XKR7: variants seen among roughly 807,000 people sequenced by gnomAD.
XKR7 encodes the protein XK-related protein 7.
Under a neutral mutation model 42.2 loss-of-function variants are expected in XKR7, and 11 were observed. That is an observed-to-expected ratio of 0.26 (90% CI 0.16 to 0.43). The LOEUF (loss-of-function observed/expected upper bound fraction) is 0.43. Among genes scored for constraint, XKR7 ranks in the 20% least tolerant of loss-of-function variants. The pLI, the probability that XKR7 is intolerant of heterozygous loss-of-function variation, is 1.00. For synonymous variants in XKR7, 346 were observed against 366.4 expected, an observed-to-expected ratio of 0.94 and a Z score of 0.64; for missense variants, 710 against 802.2, an observed-to-expected ratio of 0.89 and a Z score of 1.39.
intron 1 of XKR7, among the ~76,000 whole-genome samples, chr20:31,976,869 G>A (rs1338734257): frequency 2.0e-5 from 3 of 152,116 alleles, no homozygotes; most frequent in Admixed American, 6.5e-5. Flanking sequence ...AAACCCCTGG[G>A]GAGTTGAGGC....
At chr20:31,969,683 G>A (rs1478872327) in intron 1 of XKR7, among the ~76,000 whole-genome samples, 1 of 152,168 alleles carries the variant, frequency 6.6e-6, no homozygotes. Flanking sequence ...CCAAGCCTCA[G>A]TTTCCTCTTC....
In XKR7 at chr20:31,996,714, G is replaced by A. The variant is rs546872871; in HGVS notation, c.997G>A (p.Val333Met). 4.3e-6 allele frequency: 7 copies of A among 1,612,562 alleles called. No homozygotes were observed. In the South Asian group the frequency reaches 4.4e-5, roughly 10 times the overall value. Reference sequence around the variant, plus strand: ...CAAGCTCTATTTTGGCATCTTCATCGTGGCCCACTGGTGCGTCATGACCTT... The same window carrying A: ...CAAGCTCTATTTTGGCATCTTCATCATGGCCCACTGGTGCGTCATGACCTT... ...VYKLYFGIFI[V>M]AHWCVMTFWV... is the part of the protein sequence containing the mutation. Residue 333 changes from valine (V) to methionine (M), a missense_variant, in exon 3 of 3, where the codon GTG becomes ATG. Around this residue, in one of 2 missense-constraint regions of XKR7, gnomAD observed 708 missense variants for 786.2 expected, o/e 0.90. Coordinates refer to ENST00000562532, the MANE Select transcript of XKR7 (RefSeq NM_001011718.2).
chr20:31,988,941 G>C (rs1315490773), intron 1 of XKR7, among the ~76,000 whole-genome samples: 1 of 152,156 alleles, frequency 6.6e-6, no homozygotes, highest in Non-Finnish European at 1.5e-5. Flanking sequence ...AATAGTCAGT[G>C]CCTACTCAAT....
At chr20:31,975,721 G>A (rs2064481876) in intron 1 of XKR7, among the ~76,000 whole-genome samples, 2 of 151,934 alleles carry the variant, frequency 1.3e-5, no homozygotes, top group South Asian at 4.1e-4. Flanking sequence ...GGGCGGGAGG[G>A]GTGGGGTCAG....
intron 1 of XKR7, among the ~76,000 whole-genome samples, chr20:31,979,581 C>A (rs1051251289): frequency 6.6e-6 from 1 of 152,168 alleles, no homozygotes; most frequent in East Asian, 1.9e-4. Context: ...TGTAGACAGG[C>A]CACATAGTTC....
At chr20:31,990,176 T>TTGTG (rs2064563550) in intron 1 of XKR7, among the ~76,000 whole-genome samples, 1 of 131,790 alleles carries the variant, frequency 7.6e-6, no homozygotes, top group South Asian at 2.4e-4. Flanking sequence ...TTTAAATTCA[T>TTGTG]TGCGTGTGTG....
At chr20:31,972,906 A>C (rs1347850708) in intron 1 of XKR7, among the ~76,000 whole-genome samples, 1 of 152,210 alleles carries the variant, frequency 6.6e-6, no homozygotes, top group Non-Finnish European at 1.5e-5. Flanking sequence ...CCCCTCTGGG[A>C]AACTACATTC....
chr20:31,981,353 G>C (rs1001264032), intron 1 of XKR7, among the ~76,000 whole-genome samples: 8 of 152,032 alleles, frequency 5.3e-5, no homozygotes, highest in Admixed American at 1.3e-4. Flanking sequence ...TCCAGCTTGG[G>C]CAACAGAGCA....
Position 31,995,361 on chromosome 20 carries a change from C to A in XKR7, c.787+91C>A. 1 of 1,517,332 alleles carries A rather than the reference C, an allele frequency of 6.6e-7. No individual in the cohort carries two copies. Among genetic ancestry groups the A allele is most frequent in the Non-Finnish European group, 8.8e-7 (1 of 1,140,608 alleles). The allele number at this position is 1,517,332 out of a possible 1,614,324, so 94.0% of individuals were successfully genotyped here. On this transcript the variant is annotated intron_variant, in intron 2 of 2. Coordinates refer to ENST00000562532, the MANE Select transcript of XKR7 (RefSeq NM_001011718.2). This position sits in a 1 kb window ranked among gnomAD's most constrained non-coding sequence, Gnocchi z 4.1. ...CTCCCTGGGGATGCCCTGTGGGCTTCCCCACCCCAGCTCAGGGCTCACTCA... is the reference window on the plus strand; with the variant it reads ...CTCCCTGGGGATGCCCTGTGGGCTTACCCACCCCAGCTCAGGGCTCACTCA...
rs397968046 is a variant in XKR7 at position 31,980,131 on chromosome 20, GAA to G, written c.584+11391_584+11392del. Among the ~76,000 whole-genome samples, 696 of 95,450 alleles carry G rather than the reference GAA, an allele frequency of 7.3e-3. 5 individuals are homozygous for G. Among genetic ancestry groups the G allele is most frequent in the African/African-American group, 0.022 (611 of 28,032 alleles). 62.6% of individuals were successfully genotyped at this position (95,450 alleles called of 152,430 possible). A position where few individuals can be genotyped will look rare whatever the true frequency, so the allele number is the denominator to read the frequency against. ...CTGGGAAATGTTTGGCTTTAGCCCA[GAA>G]AAAAAAAAAAAAAAAAAAGAGGTGC... is the stretch of plus-strand genomic sequence containing the variant. On this transcript the variant is annotated intron_variant, in intron 1 of 2. Coordinates refer to ENST00000562532, the MANE Select transcript of XKR7 (RefSeq NM_001011718.2).
At chr20:31,989,742 T>C (rs2064560830) in intron 1 of XKR7, among the ~76,000 whole-genome samples, 1 of 152,114 alleles carries the variant, frequency 6.6e-6, no homozygotes, top group Non-Finnish European at 1.5e-5. Context: ...GCCTCCTGAG[T>C]AGCTGGGACT....
intron 2 of XKR7, 139 bp from the exon 3 acceptor site, chr20:31,996,366 C>CA: frequency 6.5e-6 from 4 of 614,032 alleles, no homozygotes; most frequent in Non-Finnish European, 1.1e-5. Context: ...ACCTTCCCCA[C>CA]ACCCCTGCTG....
intron 1 of XKR7, among the ~76,000 whole-genome samples, chr20:31,988,812 G>A (rs913925272): frequency 6.6e-6 from 1 of 152,174 alleles, no homozygotes; most frequent in African/African-American, 2.4e-5. Context: ...ATGAGTCAGC[G>A]AGGGCAGGAG....
rs976428096 is a variant in XKR7 at position 31,995,525 on chromosome 20, C to A, written c.787+255C>A. 5.9e-5 allele frequency among the ~76,000 whole-genome samples: 9 copies of A among 152,014 alleles called. No homozygotes were observed. Among genetic ancestry groups the A allele is most frequent in the Admixed American group, 5.2e-4 (8 of 15,272 alleles). On this transcript the variant is annotated intron_variant, in intron 2 of 2. Transcript: ENST00000562532. The surrounding 1 kb of genome is among the most constrained non-coding windows in gnomAD (Gnocchi z 4.1). ...CCTCCACTCCCTCGACACCCATCAG[C>A]CCCCCTGGGCGCTCCTGCCCTCCTC...
intron 1 of XKR7, among the ~76,000 whole-genome samples, chr20:31,982,978 G>A (rs2064520499): frequency 6.6e-6 from 1 of 152,184 alleles, no homozygotes; most frequent in East Asian, 1.9e-4. Context: ...ATGGGTATTG[G>A]GCTGATGGGT....
At chr20:31,973,323 A>G (rs1277938327) in intron 1 of XKR7, among the ~76,000 whole-genome samples, 1 of 152,208 alleles carries the variant, frequency 6.6e-6, no homozygotes, top group Non-Finnish European at 1.5e-5. Flanking sequence ...TTTATTAAGC[A>G]CCTGCTGTAT....
intron 1 of XKR7, among the ~76,000 whole-genome samples, chr20:31,990,771 G>A (rs1178522815): frequency 1.4e-5 from 2 of 146,050 alleles, no homozygotes; most frequent in African/African-American, 5.1e-5. Flanking sequence ...CTGTGTTTTG[G>A]AGCCAATTTT....
At chr20:31,978,906 G>T (rs2064498024) in intron 1 of XKR7, among the ~76,000 whole-genome samples, 1 of 151,916 alleles carries the variant, frequency 6.6e-6, no homozygotes, top group Non-Finnish European at 1.5e-5. Flanking sequence ...AGGCCGAGGT[G>T]GGAAGATCAC....
intron 1 of XKR7, among the ~76,000 whole-genome samples, chr20:31,989,773 C>T (rs2064561006): frequency 6.6e-6 from 1 of 152,302 alleles, no homozygotes; most frequent in South Asian, 2.1e-4. Context: ...GCCACCACAT[C>T]GGCCAATTTT....
Sources: gnomAD v4.1 joint callset for allele counts (sites outside exome capture counted in the v4.1 genomes callset) on GRCh38, gnomAD v4.1.1 for gene constraint, gnomAD v4.1.1 regional missense constraint, Gnocchi (gnomAD v3.1) non-coding constraint, MANE v1.5 for transcripts, NCBI Gene and HGNC (gene_info 2026-07-23, HGNC 2026-07-21) for gene names.